Variants in MROH7 observed in about 807,000 individuals in gnomAD.
The protein encoded by MROH7 is maestro heat-like repeat-containing protein family member 7.
MROH7 carries 113 observed loss-of-function variants against 129.2 expected under a neutral mutation model. The ratio of observed to expected loss-of-function variants is 0.87; its 90% CI spans 0.75 to 1.02. MROH7 has a LOEUF of 1.02. Among genes scored for constraint, MROH7 ranks in the 50% least tolerant of loss-of-function variants. The pLI is 0.00. For synonymous variants in MROH7, 655 were observed against 667.9 expected, an observed-to-expected ratio of 0.98 and a Z score of 0.30; for missense variants, 1,601 against 1,671.3, an observed-to-expected ratio of 0.96 and a Z score of 0.73.
intron 21 of MROH7, among the ~76,000 whole-genome samples, chr1:54,705,419 TG>T (rs953814762): frequency 2.4e-4 from 36 of 151,922 alleles, no homozygotes; most frequent in African/African-American, 8.2e-4. Flanking sequence ...CGAGATACAG[TG>T]GGGGGACATC....
At chr1:54,705,992 G>T (rs1006598592) in intron 21 of MROH7, among the ~76,000 whole-genome samples, 1 of 152,162 alleles carries the variant, frequency 6.6e-6, no homozygotes, top group African/African-American at 2.4e-5. Context: ...CCTATTAAGA[G>T]TAAATCAATG....
intron 10 of MROH7, among the ~76,000 whole-genome samples, chr1:54,678,025 G>C (rs1298660019): frequency 1.3e-5 from 2 of 152,192 alleles, no homozygotes; most frequent in Non-Finnish European, 2.9e-5. Flanking sequence ...ACATCCACCA[G>C]AATGGCATAA....
At chr1:54,673,555 T>A in intron 8 of MROH7, 146 bp from the exon 9 acceptor site, 1 of 663,950 alleles carries the variant, frequency 1.5e-6, no homozygotes, top group South Asian at 1.8e-5. Context: ...TATCTCTGCC[T>A]ATACCCCAAG....
intron 7 of MROH7, 61 bp from the exon 8 acceptor site, chr1:54,673,030 G>A (rs751024466): frequency 2.2e-4 from 289 of 1,291,412 alleles, no homozygotes; most frequent in Non-Finnish European, 2.9e-4. Flanking sequence ...ACCAGGGGCC[G>A]CCTGGGGCTG....
Position 54,655,893 on chromosome 1 carries a change from A to AT in MROH7, c.1231+1754dup, listed in dbSNP as rs372850123. ...GGGCTAATCGTAGATACTTTATAGTATTTTTTTTTTTTTTTTTTGAGATGG... is the reference window on the plus strand; with the variant it reads ...GGGCTAATCGTAGATACTTTATAGTATTTTTTTTTTTTTTTTTTTGAGATGG... On this transcript the variant is annotated intron_variant, in intron 3 of 23. Transcript: ENST00000421030. 6.0e-3 allele frequency among the ~76,000 whole-genome samples: 806 copies of AT among 133,694 alleles called. 8 individuals carry two copies. Among genetic ancestry groups the AT allele is most frequent in the African/African-American group, 0.015 (524 of 35,750 alleles). The allele number at this position is 133,694 out of a possible 152,430, so 87.7% of individuals were successfully genotyped here. A position where few individuals can be genotyped will look rare whatever the true frequency, so the allele number is the denominator to read the frequency against.
At chr1:54,709,868 A>C in intron 23 of MROH7, 78 bp from the exon 24 acceptor site, 1 of 1,536,656 alleles carries the variant, frequency 6.5e-7, no homozygotes, top group Non-Finnish European at 8.9e-7. Flanking sequence ...CAAGGCATGG[A>C]GATGGGAAGG....
At chr1:54,663,697 AAAAAC>A (rs1644767907) in intron 3 of MROH7, 1 of 399,144 alleles carries the variant, frequency 2.5e-6, no homozygotes, top group East Asian at 7.7e-5. Flanking sequence ...AAAAAAAAAA[AAAAAC>A]AAAAAAAAAA....
In MROH7 at chr1:54,653,077, C is replaced by G. The variant is rs1268261811; in HGVS notation, c.151C>G (p.Pro51Ala). The G allele has an allele frequency of 6.2e-7, 1 of 1,614,186 alleles. No individual in the cohort carries two copies. The highest frequency in any genetic ancestry group is 2.2e-5 in the East Asian group (1 of 44,880). The change falls in exon 3 of 24, where the codon CCA becomes GCA. Residue 51 changes from proline to alanine, a missense_variant. By Grantham distance (27) the Pro-to-Ala change is conservative. Transcript: ENST00000421030. ...MAQVPMLNLL[P>A]SPGLALVPDL... ...TCAGGTGCCTATGTTGAATCTGCTC[C>G]CAAGTCCTGGCTTGGCTCTCGTTCC...
At chr1:54,697,612 G>A (rs1645344051) in intron 17 of MROH7, 1 of 698,682 alleles carries the variant, frequency 1.4e-6, no homozygotes, top group Non-Finnish European at 2.6e-6. Flanking sequence ...CCAAACACTT[G>A]TATTGACCTC....
In MROH7 at chr1:54,679,404, G is replaced by T; in HGVS notation, c.2191G>T (p.Val731Leu). Reference sequence around the variant, plus strand: ...GGCCTCGGAGGTCATGCTCAGCTCGGTGCTGGAGTGGTACCGCCACAGGGC... The same window carrying T: ...GGCCTCGGAGGTCATGCTCAGCTCGTTGCTGGAGTGGTACCGCCACAGGGC... Reference protein sequence around the residue: ...QLASEVMLSSVLEWYRHRALE... With the variant: ...QLASEVMLSSLLEWYRHRALE... Residue 731 changes from valine to leucine, a missense_variant, in exon 12 of 24, where the codon GTG becomes TTG. Val to Leu is a conservative substitution (Grantham distance 32). Coordinates refer to ENST00000421030, the MANE Select transcript of MROH7 (RefSeq NM_001039464.4). The T allele has an allele frequency of 6.2e-7, 1 of 1,613,990 alleles. No individual in the cohort carries two copies. The highest frequency in any genetic ancestry group is 8.5e-7 in the Non-Finnish European group (1 of 1,179,980).
chr1:54,681,297 A>G (rs1243580618), intron 13 of MROH7, among the ~76,000 whole-genome samples: 1 of 152,162 alleles, frequency 6.6e-6, no homozygotes, highest in Non-Finnish European at 1.5e-5. Context: ...GGAGACCTAT[A>G]GGGTGGATAT....
rs1180247034 is a variant in MROH7 at position 54,674,095 on chromosome 1, G to A, written c.1880G>A (p.Gly627Asp). ...LHIGDPDEEI[G>D]CEALDGIIIL... ...ATTGGGGATCCTGATGAGGAGATTG[G>A]CTGTGAGGCTCTGGACGGCATCATC... The change falls in exon 10 of 24, where the codon GGC (glycine) becomes GAC (aspartate). Residue 627 changes from glycine (G) to aspartate (D), a missense_variant. Transcript: ENST00000421030. The A allele has an allele frequency of 1.9e-6, 3 of 1,614,056 alleles. No homozygotes were observed. The highest frequency in any genetic ancestry group is 4.5e-5 in the East Asian group (2 of 44,876).
intron 19 of MROH7, among the ~76,000 whole-genome samples, chr1:54,701,846 C>T (rs781769332): frequency 6.5e-4 from 99 of 152,006 alleles, no homozygotes; most frequent in Non-Finnish European, 9.0e-4. Context: ...GCTGGGATTA[C>T]AGGCATGAGC....
At chr1:54,693,397 C>T (rs1645270684) in intron 16 of MROH7, among the ~76,000 whole-genome samples, 1 of 152,106 alleles carries the variant, frequency 6.6e-6, no homozygotes, top group African/African-American at 2.4e-5. Context: ...TTGCTGTGAG[C>T]CGAGATGGCA....
At chr1:54,694,147 G>T (rs1645283973) in intron 16 of MROH7, among the ~76,000 whole-genome samples, 1 of 152,228 alleles carries the variant, frequency 6.6e-6, no homozygotes, top group African/African-American at 2.4e-5. Context: ...CTCCCAAAGT[G>T]TTCGGATTAC....
rs896063324 is a variant in MROH7, at chr1:54,673,009, C to T, written c.1600-82C>T. On this transcript the variant is annotated intron_variant, in intron 7 of 23. Transcript: ENST00000421030. ...TCCTGGGTCTTAATTCCCCCTCCTC[C>T]CCTGACCTACACCAGGGGCCGCCTG... 6.2e-6 allele frequency: 6 copies of T among 962,548 alleles called. No homozygotes were observed. The African/African-American group carries it at 6.5e-5, about 10-fold the overall frequency. 59.6% of individuals were successfully genotyped at this position (962,548 alleles called of 1,614,324 possible). A position where few individuals can be genotyped will look rare whatever the true frequency, so the allele number is the denominator to read the frequency against.
chr1:54,653,134 G>T lies in MROH7; in HGVS notation c.208G>T (p.Gly70Trp). The T allele has an allele frequency of 6.2e-7, 1 of 1,614,172 alleles. No individual in the cohort carries two copies. Among genetic ancestry groups the T allele is most frequent in the Non-Finnish European group, 8.5e-7 (1 of 1,180,040 alleles). Residue 70 changes from glycine to tryptophan, a missense_variant, in exon 3 of 24, where the codon GGG becomes TGG. Transcript: ENST00000421030. ...TAATGATTCTTTGAGTCCAGTCTCA[G>T]GGGAGGCCTCAGGCCTGGTGTCTGA... Reference protein sequence around the residue: ...DLNDSLSPVSGEASGLVSENT... With the variant: ...DLNDSLSPVSWEASGLVSENT...
rs528688223 is a variant in MROH7 at position 54,645,745 on chromosome 1, G to A, written c.-110+3777G>A. 3.4e-3 allele frequency among the ~76,000 whole-genome samples: 492 copies of A among 144,876 alleles called. 4 individuals carry two copies. Among genetic ancestry groups the A allele is most frequent in the African/African-American group, 0.011 (442 of 38,708 alleles). On this transcript the variant is annotated intron_variant, in intron 1 of 23. Coordinates refer to ENST00000421030, the MANE Select transcript of MROH7 (RefSeq NM_001039464.4). ...TTGGCTCACCGCAGGCTTGCCTCCC[G>A]GGCTCAAGCAATTCTCCTGCCTCAG...
rs761267194 is a variant in MROH7 at position 54,665,159 on chromosome 1, C to A, written c.1232-8C>A. The A allele has an allele frequency of 3.1e-6, 5 of 1,612,146 alleles. No individual in the cohort carries two copies. The highest frequency in any genetic ancestry group is 3.4e-6 in the Non-Finnish European group (4 of 1,178,574). On this transcript the variant is annotated splice_polypyrimidine_tract_variant and splice_region_variant and intron_variant, in intron 3 of 23. Coordinates refer to ENST00000421030, the MANE Select transcript of MROH7 (RefSeq NM_001039464.4). ...TATCCACCTTCTCATTGAAATCGTG[C>A]CCTGCAGGAGCCTTTGATGAAGTGA...
Sources: allele counts gnomAD v4.1 joint callset (sites outside exome capture counted in the v4.1 genomes callset), GRCh38; gene constraint gnomAD v4.1.1; transcripts MANE v1.5; gene names NCBI Gene and HGNC (gene_info 2026-07-23, HGNC 2026-07-21).